SOX6: variants seen among roughly 807,000 people sequenced by gnomAD.
The protein encoded by SOX6 is SRY-box transcription factor 6.
Under a neutral mutation model 97.8 loss-of-function variants are expected in SOX6, and 11 were observed. That is an observed-to-expected ratio of 0.11 (90% CI 0.07 to 0.19). The LOEUF (loss-of-function observed/expected upper bound fraction) is 0.19, where lower values mean the gene tolerates loss of function less well. SOX6 is among the 10% of genes least tolerant of loss of function. SOX6 has a pLI of 1.00. For missense variants in SOX6, 810 were observed against 1,039.5 expected (o/e 0.78, Z 3.04); for synonymous variants, 360 against 371.4 (o/e 0.97, Z 0.35).
At chr11:16,271,987 A>T (rs935312075) in intron 3 of SOX6, among the ~76,000 whole-genome samples, 3 of 151,126 alleles carry the variant, frequency 2.0e-5, no homozygotes, top group African/African-American at 7.3e-5. Flanking sequence ...ATAAAATAGA[A>T]TTTTCCTCTG....
At chr11:16,274,370 A>T (rs914811296) in intron 3 of SOX6, among the ~76,000 whole-genome samples, 3 of 152,212 alleles carry the variant, frequency 2.0e-5, no homozygotes, top group South Asian at 4.2e-4. Flanking sequence ...CCACCCATCC[A>T]TATGCCCACT....
At chr11:16,434,396 G>C (rs1283127462) in intron 1 of SOX6, 1 of 152,118 alleles carries the variant, frequency 6.6e-6, no homozygotes, top group Admixed American at 6.6e-5. Flanking sequence ...AGGCACAAGA[G>C]ACAGACTAGT....
intron 4 of SOX6, among the ~76,000 whole-genome samples, chr11:16,582,587 C>A (rs1435715057): frequency 6.6e-6 from 1 of 150,972 alleles, no homozygotes; most frequent in Non-Finnish European, 1.5e-5. Context: ...TGTAAAATGA[C>A]AGAATTAGGA....
intron 3 of SOX6, among the ~76,000 whole-genome samples, chr11:16,614,147 C>G (rs1433791047): frequency 6.6e-6 from 1 of 152,232 alleles, no homozygotes. Flanking sequence ...ACTCCAAACA[C>G]TAACTCCCAG....
At chr11:16,645,305 C>T (rs1273463492) in intron 3 of SOX6, among the ~76,000 whole-genome samples, 1 of 152,206 alleles carries the variant, frequency 6.6e-6, no homozygotes, top group Non-Finnish European at 1.5e-5. Context: ...CGTTGTTTCA[C>T]CACTACAAAA....
chr11:16,285,605 A>C (rs1370274012), intron 3 of SOX6, among the ~76,000 whole-genome samples: 1 of 152,112 alleles, frequency 6.6e-6, no homozygotes, highest in Non-Finnish European at 1.5e-5. Context: ...GGTGTTTTTC[A>C]ACATGCCAGT....
intron 12 of SOX6, among the ~76,000 whole-genome samples, chr11:16,038,842 T>C (rs930067412): frequency 6.6e-6 from 1 of 152,060 alleles, no homozygotes; most frequent in African/African-American, 2.4e-5. Context: ...AAAAGATAAA[T>C]GAAAGATCTG....
At chr11:16,132,282 GGAAGGAAGGAA>G (rs1849767568) in intron 6 of SOX6, among the ~76,000 whole-genome samples, 2 of 45,474 alleles carry the variant, frequency 4.4e-5, no homozygotes, top group Non-Finnish European at 8.1e-5. Context: ...AAGGAAGGAA[GGAAGGAAGGAA>G]GGAAGGAAGG....
At chr11:16,480,283 C>T (rs138826279), upstream of SOX6, among the ~76,000 whole-genome samples, 103 of 151,858 alleles carry the variant, frequency 6.8e-4, no homozygotes, top group Non-Finnish European at 1.4e-3. Context: ...TAATGTATGC[C>T]AAAATGAGGA....
intron 4 of SOX6, among the ~76,000 whole-genome samples, chr11:16,217,240 G>A (rs971641153): frequency 3.9e-5 from 6 of 152,086 alleles, no homozygotes; most frequent in Non-Finnish European, 7.4e-5. Context: ...CTTACGTAAA[G>A]CACTCTTTGT....
At chr11:16,108,316 G>A (rs991868484) in intron 7 of SOX6, among the ~76,000 whole-genome samples, 11 of 151,990 alleles carry the variant, frequency 7.2e-5, no homozygotes, top group East Asian at 5.8e-4. Flanking sequence ...CTTTCTAGCC[G>A]CAATCATGTA....
chr11:16,192,100 C>T (rs916933787), intron 4 of SOX6, among the ~76,000 whole-genome samples: 3 of 152,130 alleles, frequency 2.0e-5, no homozygotes, highest in African/African-American at 7.2e-5. Flanking sequence ...CAGCCAGGGA[C>T]GCTGGAAGAG....
chr11:16,695,335 T>G (rs1031340777), intron 3 of SOX6, among the ~76,000 whole-genome samples: 9 of 152,132 alleles, frequency 5.9e-5, no homozygotes, highest in Non-Finnish European at 1.3e-4. Context: ...TAAGCAAAAT[T>G]TTCATTAAAT....
At chr11:16,309,391 T>C (rs1271727365) in intron 3 of SOX6, among the ~76,000 whole-genome samples, 1 of 152,086 alleles carries the variant, frequency 6.6e-6, no homozygotes, top group East Asian at 1.9e-4. Flanking sequence ...TGATAGAATA[T>C]AAGAATAAAA....
intron 3 of SOX6, among the ~76,000 whole-genome samples, chr11:16,627,513 CT>C (rs1388833564): frequency 2.0e-5 from 3 of 152,174 alleles, no homozygotes; most frequent in Admixed American, 2.0e-4. Context: ...GAGATGATAT[CT>C]CATTGTGGTT....
At chr11:16,376,307 A>G (rs912883555) in intron 1 of SOX6, among the ~76,000 whole-genome samples, 9 of 152,136 alleles carry the variant, frequency 5.9e-5, no homozygotes, top group African/African-American at 2.2e-4. Context: ...CAATATTAAA[A>G]TAAACTTGCA....
At chr11:16,694,501 C>A (rs1848038808) in intron 3 of SOX6, among the ~76,000 whole-genome samples, 1 of 152,034 alleles carries the variant, frequency 6.6e-6, no homozygotes, top group Admixed American at 6.6e-5. Context: ...CTAGCCTGGG[C>A]AACAGAATAA....
rs185022325 is a variant in SOX6 at position 16,521,420 on chromosome 11, C to G, written n.610-45032G>C. ...CTCCAACAGACCTGCAGCTGAGGGT[C>G]CTGTCTGTTAGAAAGAACACTAACA... is the stretch of plus-strand genomic sequence containing the variant. On this transcript the variant is annotated intron_variant and non_coding_transcript_variant, in intron 4 of 5. Coordinates refer to the SOX6 transcript ENST00000524520. Among the ~76,000 whole-genome samples, 136 of 152,264 alleles carry G rather than the reference C, an allele frequency of 8.9e-4. 1 individual carries two copies. In the East Asian group the frequency reaches 0.023, roughly 25 times the overall value.
intron 1 of SOX6, among the ~76,000 whole-genome samples, chr11:16,419,365 C>A (rs2133063532): frequency 6.6e-6 from 1 of 152,122 alleles, no homozygotes; most frequent in African/African-American, 2.4e-5. Flanking sequence ...CAGTTATATG[C>A]TTTTCCATAT....
Sources: allele counts gnomAD v4.1 joint callset (sites outside exome capture counted in the v4.1 genomes callset), GRCh38; gene constraint gnomAD v4.1.1; transcripts MANE v1.5; gene names NCBI Gene and HGNC (gene_info 2026-07-23, HGNC 2026-07-21).